Variants in TTBK2 observed in about 807,000 individuals in gnomAD.
TTBK2 encodes the protein tau-tubulin kinase 2.
Under a neutral mutation model 110.8 loss-of-function variants are expected in TTBK2, and 28 were observed. That is an observed-to-expected ratio of 0.25 (90% CI 0.19 to 0.35). The LOEUF (loss-of-function observed/expected upper bound fraction) is 0.35, where lower values mean the gene tolerates loss of function less well. TTBK2 is among the 10% of genes least tolerant of loss of function. TTBK2 has a pLI of 1.00. For missense variants in TTBK2, 1,369 were observed against 1,500.3 expected (o/e 0.91, Z 1.45); for synonymous variants, 532 against 527.3 (o/e 1.01, Z -0.12).
intron 13 of TTBK2, among the ~76,000 whole-genome samples, chr15:42,754,331 T>C (rs1264150336): frequency 6.6e-6 from 1 of 152,160 alleles, no homozygotes; most frequent in Non-Finnish European, 1.5e-5. Flanking sequence ...TCCATCTGCC[T>C]TGGCCTCCCA....
rs1328435730 is a variant in TTBK2, at chr15:42,815,952, A to ATATATAT, written c.603+1079_603+1080insATATATA. Among the ~76,000 whole-genome samples, 83 of 33,412 alleles carry ATATATAT rather than the reference A, an allele frequency of 2.5e-3. 3 individuals carry two copies. The highest frequency in any genetic ancestry group is 0.016 in the African/African-American group (81 of 5,060). 21.9% of individuals were successfully genotyped at this position (33,412 alleles called of 152,430 possible). A position where few individuals can be genotyped will look rare whatever the true frequency, so the allele number is the denominator to read the frequency against. ...TAAAAATATATATATATATATTTAA[A>ATATATAT]AAAAAAATATATATATATATATATA... is the stretch of plus-strand genomic sequence containing the variant. On this transcript the variant is annotated intron_variant, in intron 7 of 14. Coordinates refer to ENST00000267890, the MANE Select transcript of TTBK2 (RefSeq NM_173500.4).
chr15:42,879,701 T>C (rs1335618253), intron 1 of TTBK2, among the ~76,000 whole-genome samples: 4 of 150,420 alleles, frequency 2.7e-5, no homozygotes, highest in Admixed American at 2.6e-4. Flanking sequence ...CTTTACTCAA[T>C]AGCAAAAAAA....
chr15:42,869,174 G>A (rs748932473), intron 3 of TTBK2, among the ~76,000 whole-genome samples: 6 of 151,918 alleles, frequency 3.9e-5, no homozygotes, highest in South Asian at 2.1e-4. Context: ...TGCAACCTCC[G>A]CCTTCTGGGC....
chr15:42,848,301 A>C (rs1414372166), intron 3 of TTBK2, among the ~76,000 whole-genome samples: 5 of 152,082 alleles, frequency 3.3e-5, no homozygotes, highest in African/African-American at 7.2e-5. Context: ...CTTCTCTATA[A>C]CTACAAAAAG....
At position 42,743,714 on chromosome 15, in the gene TTBK2, A is replaced by AT. The variant is rs139179048; in HGVS notation, c.*2080dup. ...CCAGTATTACAAGCATGTCCCTGTA[A>AT]TTTTTTCCCTATTAAAATCTTTTTG... On this transcript the variant is annotated 3_prime_UTR_variant, in exon 15 of 15. Coordinates refer to ENST00000267890, the MANE Select transcript of TTBK2 (RefSeq NM_173500.4). The AT allele has an allele frequency of 6.6e-6, 1 of 152,152 alleles. No homozygotes were observed. Among genetic ancestry groups the AT allele is most frequent in the Non-Finnish European group, 1.5e-5 (1 of 68,032 alleles). 9.4% of individuals were successfully genotyped at this position (152,152 alleles called of 1,614,324 possible).
At chr15:42,773,661 G>A (rs1218582591) in intron 13 of TTBK2, among the ~76,000 whole-genome samples, 1 of 152,138 alleles carries the variant, frequency 6.6e-6, no homozygotes, top group Non-Finnish European at 1.5e-5. Context: ...AAGCCTCCAT[G>A]AAGGGAGGCA....
At chr15:42,773,627 G>C (rs1325576665) in intron 13 of TTBK2, among the ~76,000 whole-genome samples, 3 of 152,146 alleles carry the variant, frequency 2.0e-5, no homozygotes, top group Non-Finnish European at 4.4e-5. Flanking sequence ...AAAATACCAG[G>C]AGAAATGGAG....
intron 1 of TTBK2, among the ~76,000 whole-genome samples, chr15:42,891,401 T>A (rs1895450279): frequency 6.6e-6 from 1 of 151,784 alleles, no homozygotes. Flanking sequence ...CTTGAACTCC[T>A]AGACTCAATC....
intron 1 of TTBK2, among the ~76,000 whole-genome samples, chr15:42,890,102 CT>C (rs1895395800): frequency 6.6e-6 from 1 of 152,144 alleles, no homozygotes; most frequent in East Asian, 1.9e-4. Context: ...TGATTTGTTT[CT>C]CCCCCACCCT....
chr15:42,810,664 A>C lies in TTBK2; in HGVS notation c.772T>G (p.Phe258Val), dbSNP rs1891668801. 1.9e-6 allele frequency: 3 copies of C among 1,613,958 alleles called. No individual in the cohort carries two copies. The African/African-American group carries it at 4.0e-5, about 22-fold the overall frequency. Reference protein sequence around the residue: ...LKHLPPEFSIFLDHISSLDYF... With the variant: ...LKHLPPEFSIVLDHISSLDYF... ...TCCAAAGAAGAGATATGGTCTAGAAAGATGCTGAATTCTGGAGGGAGATGT... is the reference window on the plus strand; with the variant it reads ...TCCAAAGAAGAGATATGGTCTAGAACGATGCTGAATTCTGGAGGGAGATGT... Residue 258 changes from phenylalanine to valine, a missense_variant, in exon 9 of 15, where the codon TTT becomes GTT. Transcript: ENST00000267890.
At position 42,801,909 on chromosome 15, in the gene TTBK2, C is replaced by A. The variant is rs1443537643; in HGVS notation, c.823-7108G>T. 3.9e-6 allele frequency: 6 copies of A among 1,554,616 alleles called. No homozygotes were observed. In the East Asian group the frequency reaches 1.3e-4, roughly 35 times the overall value. The stretch of plus-strand genomic sequence containing the variant: ...TCCTGAAGTCCTCCACCAGCCCATG[C>A]ATGTTGCCAAGCTCCGCCTCCAGCT... On this transcript the variant is annotated intron_variant, in intron 9 of 14. Transcript: ENST00000267890.
chr15:42,761,345 CCTT>C (rs796413735), intron 13 of TTBK2, among the ~76,000 whole-genome samples: 3 of 152,164 alleles, frequency 2.0e-5, no homozygotes, highest in African/African-American at 7.2e-5. Context: ...AAACTAAAAA[CCTT>C]CTTCACAGCA....
chr15:42,838,279 T>C (rs1477773375), intron 4 of TTBK2, among the ~76,000 whole-genome samples: 1 of 151,978 alleles, frequency 6.6e-6, no homozygotes, highest in Non-Finnish European at 1.5e-5. Context: ...AAAGAAATAC[T>C]GAGAATTCTA....
intron 3 of TTBK2, among the ~76,000 whole-genome samples, chr15:42,854,689 T>A (rs555866430): frequency 5.9e-4 from 89 of 152,124 alleles, no homozygotes; most frequent in African/African-American, 2.1e-3. Flanking sequence ...AAATGAAAAT[T>A]TCCTGGAAGA....
chr15:42,745,712 T>C lies in TTBK2; in HGVS notation c.*83A>G. Reference sequence around the variant, plus strand: ...TGCAAGAGAAGATCAACACTGATTTTTTTACATAGAAAGTACAGGGACACA... The same window carrying C: ...TGCAAGAGAAGATCAACACTGATTTCTTTACATAGAAAGTACAGGGACACA... On this transcript the variant is annotated 3_prime_UTR_variant, in exon 15 of 15. Transcript: ENST00000267890. 1 of 1,520,766 alleles carries C rather than the reference T, an allele frequency of 6.6e-7. No homozygotes were observed. The highest frequency in any genetic ancestry group is 9.1e-7 in the Non-Finnish European group (1 of 1,097,158). 94.2% of individuals were successfully genotyped at this position (1,520,766 alleles called of 1,614,324 possible). A position where few individuals can be genotyped will look rare whatever the true frequency, so the allele number is the denominator to read the frequency against.
At chr15:42,854,889 A>G (rs1893866477) in intron 3 of TTBK2, among the ~76,000 whole-genome samples, 2 of 152,220 alleles carry the variant, frequency 1.3e-5, no homozygotes, top group Admixed American at 1.3e-4. Context: ...TTTATGAAGT[A>G]AATAACCAGA....
intron 1 of TTBK2, among the ~76,000 whole-genome samples, chr15:42,899,506 C>T (rs1051866435): frequency 6.6e-6 from 1 of 151,642 alleles, no homozygotes; most frequent in Non-Finnish European, 1.5e-5. Flanking sequence ...TTTGGGAGGC[C>T]GAGGCAGGCG....
At chr15:42,747,199 C>G (rs1294139579) in intron 14 of TTBK2, among the ~76,000 whole-genome samples, 3 of 152,038 alleles carry the variant, frequency 2.0e-5, no homozygotes, top group African/African-American at 7.2e-5. Context: ...AACTCCTGAG[C>G]TCTAGCAATC....
At chr15:42,916,419 C>A (rs563847970) in intron 1 of TTBK2, among the ~76,000 whole-genome samples, 1 of 152,188 alleles carries the variant, frequency 6.6e-6, no homozygotes, top group African/African-American at 2.4e-5. Context: ...CCACCGCCTC[C>A]GGGTTCAAGC....
Sources: allele counts gnomAD v4.1 joint callset (sites outside exome capture counted in the v4.1 genomes callset), GRCh38; gene constraint gnomAD v4.1.1; transcripts MANE v1.5; gene names NCBI Gene and HGNC (gene_info 2026-07-23, HGNC 2026-07-21).